Variants in LDLRAD4 observed in about 807,000 individuals in gnomAD.
The protein encoded by LDLRAD4 is low density lipoprotein receptor class A domain containing 4, also known as low-density lipoprotein receptor class A domain-containing protein 4.
In LDLRAD4, 5 loss-of-function variants were observed where a neutral mutation model predicts 17.0. The observed-to-expected ratio is 0.29, with a 90% confidence interval of 0.15 to 0.62. The LOEUF (loss-of-function observed/expected upper bound fraction) is 0.62. Ranked by LOEUF, LDLRAD4 falls within the 20% of genes least tolerant of loss-of-function variation. The pLI, the probability that LDLRAD4 is intolerant of heterozygous loss-of-function variation, is 0.84. For missense variants in LDLRAD4, 340 were observed against 424.7 expected, an observed-to-expected ratio of 0.80 and a Z score of 1.75; for synonymous variants, 168 against 171.8, an observed-to-expected ratio of 0.98 and a Z score of 0.17.
chr18:13,283,871 C>T (rs1482606564), intron 1 of LDLRAD4, among the ~76,000 whole-genome samples: 1 of 152,106 alleles, frequency 6.6e-6, no homozygotes, highest in East Asian at 1.9e-4. Context: ...CTGGGGAGGC[C>T]TCAGAATCGT....
intron 3 of LDLRAD4, among the ~76,000 whole-genome samples, chr18:13,529,829 T>TA (rs1333856118): frequency 3.3e-5 from 5 of 152,264 alleles, no homozygotes; most frequent in Admixed American, 2.6e-4. Context: ...GTCCTCTTGT[T>TA]ACGCTGTTAC....
chr18:13,221,845 C>G (rs1222942714), intron 1 of LDLRAD4, among the ~76,000 whole-genome samples: 1 of 152,160 alleles, frequency 6.6e-6, no homozygotes, highest in African/African-American at 2.4e-5. Context: ...TTGGAGATTA[C>G]AAAGAACATA....
intron 1 of LDLRAD4, among the ~76,000 whole-genome samples, chr18:13,272,598 G>A (rs73419307): frequency 0.011 from 1,747 of 152,338 alleles, 37 homozygotes; most frequent in African/African-American, 0.04. Context: ...CGCGTGCTCC[G>A]TATGTGTTCC....
intron 1 of LDLRAD4, among the ~76,000 whole-genome samples, chr18:13,220,632 T>C (rs1404866709): frequency 6.6e-6 from 1 of 152,232 alleles, no homozygotes; most frequent in African/African-American, 2.4e-5. Context: ...GTTCTAAGAA[T>C]AGTTTTCTTG....
At chr18:13,437,196 C>T (rs2090721022) in intron 2 of LDLRAD4, among the ~76,000 whole-genome samples, 1 of 152,230 alleles carries the variant, frequency 6.6e-6, no homozygotes, top group African/African-American at 2.4e-5. Flanking sequence ...TCCAGACAGA[C>T]AGAACCAAGG....
At chr18:13,503,571 T>G (rs1056856612) in intron 3 of LDLRAD4, among the ~76,000 whole-genome samples, 1 of 152,160 alleles carries the variant, frequency 6.6e-6, no homozygotes, top group Non-Finnish European at 1.5e-5. Context: ...TTCCTTGCTG[T>G]GCAGGAGACC....
chr18:13,619,794 GTTCCCACCA>G (rs1568416029), intron 3 of LDLRAD4, among the ~76,000 whole-genome samples: 1 of 152,120 alleles, frequency 6.6e-6, no homozygotes, highest in Non-Finnish European at 1.5e-5. Context: ...GAACAGTGAT[GTTCCCACCA>G]GCCTGGCCTC....
At chr18:13,485,301 TGTAGTTGGTG>T (rs1555708195) in intron 3 of LDLRAD4, among the ~76,000 whole-genome samples, 4 of 151,674 alleles carry the variant, frequency 2.6e-5, no homozygotes, top group Non-Finnish European at 5.9e-5. Flanking sequence ...CTGGTAGGAG[TGTAGTTGGTG>T]GTAGAAACAC....
chr18:13,540,862 C>T (rs987750841), intron 3 of LDLRAD4, among the ~76,000 whole-genome samples: 1 of 152,200 alleles, frequency 6.6e-6, no homozygotes, highest in African/African-American at 2.4e-5. Context: ...TCCTGTCTCA[C>T]TTCTGGGCTT....
intron 1 of LDLRAD4, among the ~76,000 whole-genome samples, chr18:13,291,652 T>A (rs1408894290): frequency 6.6e-6 from 1 of 152,130 alleles, no homozygotes; most frequent in Non-Finnish European, 1.5e-5. Context: ...CAACTAGATC[T>A]GAAGACTCTC....
intron 3 of LDLRAD4, among the ~76,000 whole-genome samples, chr18:13,516,324 G>T (rs961536087): frequency 1.2e-4 from 18 of 152,178 alleles, no homozygotes; most frequent in Non-Finnish European, 1.2e-4. Context: ...AGCCATGAAC[G>T]ATCTCTTCCG....
intron 3 of LDLRAD4, among the ~76,000 whole-genome samples, chr18:13,495,594 A>G (rs2093451911): frequency 6.6e-6 from 1 of 152,214 alleles, no homozygotes; most frequent in Admixed American, 6.5e-5. Context: ...GAAGAAATAC[A>G]CTGAGGATTC....
At chr18:13,403,781 C>T in intron 2 of LDLRAD4, among the ~76,000 whole-genome samples, 1 of 152,170 alleles carries the variant, frequency 6.6e-6, no homozygotes, top group East Asian at 1.9e-4. Flanking sequence ...CAGATTGGTT[C>T]TAATATATTT....
intron 3 of LDLRAD4, among the ~76,000 whole-genome samples, chr18:13,481,043 T>G (rs1159843192): frequency 6.6e-6 from 1 of 152,208 alleles, no homozygotes; most frequent in Non-Finnish European, 1.5e-5. Flanking sequence ...GCACATGTCC[T>G]AGGGACGGAC....
At position 13,430,673 on chromosome 18, in the gene LDLRAD4, A is replaced by G. The variant is rs570901284; in HGVS notation, c.41-7571A>G. Among the ~76,000 whole-genome samples, 4 of 152,224 alleles carry G rather than the reference A, an allele frequency of 2.6e-5. No homozygotes were observed. In the East Asian group the frequency reaches 7.7e-4, roughly 29 times the overall value. ...TTCTGATACACACACACATGCATAC[A>G]TACACATATGCTGTATTTCAATCAA... is the stretch of plus-strand genomic sequence containing the variant. On this transcript the variant is annotated intron_variant, in intron 2 of 5. Transcript: ENST00000359446.
At chr18:13,545,844 G>A (rs1052359438) in intron 3 of LDLRAD4, among the ~76,000 whole-genome samples, 11 of 152,214 alleles carry the variant, frequency 7.2e-5, no homozygotes, top group African/African-American at 2.7e-4. Flanking sequence ...GAAAGCCAAT[G>A]GGGCAGGATG....
intron 2 of LDLRAD4, among the ~76,000 whole-genome samples, chr18:13,396,784 A>G (rs1189829427): frequency 1.3e-5 from 2 of 152,008 alleles, no homozygotes; most frequent in East Asian, 1.9e-4. Flanking sequence ...CGCCTGGCCT[A>G]TTTTTTATTG....
chr18:13,363,818 T>C (rs931667896), intron 1 of LDLRAD4, among the ~76,000 whole-genome samples: 2 of 152,230 alleles, frequency 1.3e-5, no homozygotes, highest in Non-Finnish European at 2.9e-5. Context: ...GTGAAACATT[T>C]TAATTGGCAA....
chr18:13,618,981 G>T (rs772867498), intron 3 of LDLRAD4, among the ~76,000 whole-genome samples: 4 of 152,222 alleles, frequency 2.6e-5, no homozygotes, highest in Admixed American at 2.6e-4. Context: ...AGGCGCACTC[G>T]GGCACTCTGC....
Sources: allele counts gnomAD v4.1 joint callset (sites outside exome capture counted in the v4.1 genomes callset), GRCh38; gene constraint gnomAD v4.1.1; transcripts MANE v1.5; gene names NCBI Gene and HGNC (gene_info 2026-07-23, HGNC 2026-07-21).